The following FGF14 variants were observed in gnomAD, a reference collection of about 807,000 sequenced individuals.
FGF14 encodes the protein fibroblast growth factor 14.
In FGF14, 5 loss-of-function variants were observed where a neutral mutation model predicts 25.5. The ratio of observed to expected loss-of-function variants is 0.20; its 90% CI spans 0.10 to 0.41. FGF14 has a LOEUF of 0.41. FGF14 is among the 10% of genes least tolerant of loss of function. The pLI, the probability that FGF14 is intolerant of heterozygous loss-of-function variation, is 1.00. For synonymous variants in FGF14, 138 were observed against 118.3 expected, an observed-to-expected ratio of 1.17 and a Z score of -1.08; for missense variants, 222 against 320.1, an observed-to-expected ratio of 0.69 and a Z score of 2.34.
chr13:101,899,993 C>G (rs2031308819), intron 1 of FGF14, among the ~76,000 whole-genome samples: 1 of 152,088 alleles, frequency 6.6e-6, no homozygotes, highest in South Asian at 2.1e-4. Flanking sequence ...TATTTGTTCT[C>G]TGATTATGGT....
At chr13:102,310,470 C>T (rs2055672217) in intron 1 of FGF14, among the ~76,000 whole-genome samples, 1 of 152,084 alleles carries the variant, frequency 6.6e-6, no homozygotes, top group Non-Finnish European at 1.5e-5. Context: ...AGAGAACTTA[C>T]TTTTTGAAAT....
At chr13:101,948,143 T>C (rs1485645650) in intron 1 of FGF14, among the ~76,000 whole-genome samples, 1 of 152,236 alleles carries the variant, frequency 6.6e-6, no homozygotes, top group South Asian at 2.1e-4. Context: ...CAATGGTACA[T>C]AGTAAATGCT....
At chr13:101,996,016 T>C (rs981491248) in intron 1 of FGF14, among the ~76,000 whole-genome samples, 2 of 152,196 alleles carry the variant, frequency 1.3e-5, no homozygotes, top group Non-Finnish European at 2.9e-5. Flanking sequence ...ACTGAATTGT[T>C]TGTAACTCAA....
At chr13:102,175,950 T>C (rs1367198654) in intron 1 of FGF14, among the ~76,000 whole-genome samples, 1 of 152,004 alleles carries the variant, frequency 6.6e-6, no homozygotes, top group Admixed American at 6.6e-5. Context: ...GAAAAGGAAA[T>C]GCTTATACAT....
intron 1 of FGF14, among the ~76,000 whole-genome samples, chr13:102,223,997 C>T (rs1465691741): frequency 6.6e-6 from 1 of 152,056 alleles, no homozygotes; most frequent in Non-Finnish European, 1.5e-5. Context: ...GTGAGAGATA[C>T]GTCTCTACAG....
intron 1 of FGF14, among the ~76,000 whole-genome samples, chr13:102,143,539 A>G (rs1480174441): frequency 1.3e-5 from 2 of 152,038 alleles, no homozygotes; most frequent in African/African-American, 4.8e-5. Flanking sequence ...CCCTGAGGGG[A>G]AAAAAATACA....
At chr13:102,179,388 G>C (rs2048576567) in intron 1 of FGF14, among the ~76,000 whole-genome samples, 2 of 152,032 alleles carry the variant, frequency 1.3e-5, no homozygotes, top group South Asian at 4.1e-4. Flanking sequence ...GAGTCTCTCA[G>C]CTACTTAATC....
At chr13:102,160,565 T>C (rs1315928897) in intron 1 of FGF14, among the ~76,000 whole-genome samples, 1 of 151,788 alleles carries the variant, frequency 6.6e-6, no homozygotes, top group Admixed American at 6.6e-5. Flanking sequence ...AAGATATAAT[T>C]TCCCCCTCTT....
intron 1 of FGF14, among the ~76,000 whole-genome samples, chr13:101,912,600 A>C (rs2033059582): frequency 6.6e-6 from 1 of 152,256 alleles, no homozygotes; most frequent in Admixed American, 6.5e-5. Flanking sequence ...TCTTTGGCTA[A>C]ATCAATATAT....
intron 1 of FGF14, among the ~76,000 whole-genome samples, chr13:102,257,300 C>CT (rs1049555615): frequency 3.6e-5 from 3 of 83,740 alleles, no homozygotes; most frequent in Admixed American, 2.4e-4. Context: ...AATTTGACAT[C>CT]TTTTTTTTCC....
chr13:102,327,951 G>A (rs1369635917), intron 1 of FGF14, among the ~76,000 whole-genome samples: 2 of 144,496 alleles, frequency 1.4e-5, no homozygotes, highest in African/African-American at 5.2e-5. Flanking sequence ...TAAGCAAAAG[G>A]CAGGATAAAA....
intron 3 of FGF14, among the ~76,000 whole-genome samples, chr13:101,832,915 T>C (rs566548239): frequency 2.0e-5 from 3 of 152,190 alleles, no homozygotes; most frequent in East Asian, 3.9e-4. Flanking sequence ...ACTACCAGGG[T>C]TGCCATTCTT....
rs113088632 is a variant in FGF14, at chr13:102,008,651, G to GT, written c.209-133356dup. 6.2e-3 allele frequency among the ~76,000 whole-genome samples: 935 copies of GT among 151,152 alleles called. 3 individuals are homozygous for GT. Among genetic ancestry groups the GT allele is most frequent in the Middle Eastern group, 0.024 (7 of 290 alleles). On this transcript the variant is annotated intron_variant, in intron 1 of 4. Coordinates refer to the FGF14 transcript ENST00000376131. ...GTATATTTCTCAGTTCTTTCCACGT[G>GT]TTTTTTTTTATTGCTCTCTTGAACT...
chr13:102,059,244 G>A (rs950185799), intron 1 of FGF14, among the ~76,000 whole-genome samples: 22 of 152,164 alleles, frequency 1.4e-4, no homozygotes, highest in African/African-American at 5.1e-4. Context: ...AGCAAGATAG[G>A]GGAATAGTCC....
At chr13:102,148,987 T>G (rs1434633399) in intron 1 of FGF14, among the ~76,000 whole-genome samples, 2 of 152,082 alleles carry the variant, frequency 1.3e-5, no homozygotes, top group African/African-American at 4.8e-5. Context: ...CTTTTATACA[T>G]ATTAGGATAT....
Position 102,363,586 on chromosome 13 carries a change from C to G in FGF14, c.208+37885G>C, listed in dbSNP as rs559659350. ...TTCCGTTAGAAAAGGCTCTTTTTCCCATAGCAGGATTCTGCCATTAAGATT... is the reference window on the plus strand; with the variant it reads ...TTCCGTTAGAAAAGGCTCTTTTTCCGATAGCAGGATTCTGCCATTAAGATT... On this transcript the variant is annotated intron_variant, in intron 1 of 4. Transcript: ENST00000376131. Among the ~76,000 whole-genome samples the G allele has an allele frequency of 2.0e-3, 303 of 152,276 alleles. 5 individuals carry two copies. The highest frequency in any genetic ancestry group is 6.8e-3 in the African/African-American group (281 of 41,554).
intron 1 of FGF14, among the ~76,000 whole-genome samples, chr13:102,277,953 A>C (rs545043832): frequency 6.6e-5 from 10 of 152,306 alleles, no homozygotes; most frequent in African/African-American, 2.2e-4. Context: ...TGCTCAATTC[A>C]CTTTGCAAAA....
intron 3 of FGF14, among the ~76,000 whole-genome samples, chr13:101,765,953 T>C (rs11841310): frequency 0.41 from 62,297 of 151,868 alleles, 14,377 homozygotes; most frequent in Non-Finnish European, 0.52. Context: ...GGTCTCAAAC[T>C]CCTGACCTCA....
At chr13:101,926,279 C>T (rs1372806950) in intron 1 of FGF14, among the ~76,000 whole-genome samples, 1 of 152,168 alleles carries the variant, frequency 6.6e-6, no homozygotes, top group Non-Finnish European at 1.5e-5. Context: ...AGAATAGCTG[C>T]TTCCAAATAC....
Sources: gnomAD v4.1 joint callset for allele counts (sites outside exome capture counted in the v4.1 genomes callset) on GRCh38, gnomAD v4.1.1 for gene constraint, MANE v1.5 for transcripts, NCBI Gene and HGNC (gene_info 2026-07-23, HGNC 2026-07-21) for gene names.